NUDCD1: variants seen among roughly 807,000 people sequenced by gnomAD.
NUDCD1 encodes nudC domain-containing protein 1.
NUDCD1 carries 60 observed loss-of-function variants against 67.8 expected under a neutral mutation model. The observed-to-expected ratio is 0.88, with a 90% confidence interval of 0.72 to 1.10. NUDCD1 has a LOEUF of 1.10. Ranked by LOEUF, NUDCD1 falls within the 50% of genes least tolerant of loss-of-function variation. The pLI, the probability that NUDCD1 is intolerant of heterozygous loss-of-function variation, is 0.00. For synonymous variants in NUDCD1, 244 were observed against 230.8 expected, an observed-to-expected ratio of 1.06 and a Z score of -0.52; for missense variants, 643 against 695.0, an observed-to-expected ratio of 0.93 and a Z score of 0.84.
intron 2 of NUDCD1, among the ~76,000 whole-genome samples, chr8:109,307,080 T>C (rs1014310355): frequency 1.3e-5 from 2 of 152,178 alleles, no homozygotes; most frequent in South Asian, 4.1e-4. Context: ...CCCTGTGACC[T>C]GCATGTATAC....
chr8:109,299,575 T>C (rs1428290833), intron 2 of NUDCD1, among the ~76,000 whole-genome samples: 3 of 151,926 alleles, frequency 2.0e-5, no homozygotes, highest in Non-Finnish European at 4.4e-5. Flanking sequence ...CTCACCCCCA[T>C]CCCCCACAGC....
chr8:109,303,010 C>T (rs1279846262), intron 2 of NUDCD1, among the ~76,000 whole-genome samples: 2 of 152,226 alleles, frequency 1.3e-5, no homozygotes, highest in African/African-American at 2.4e-5. Flanking sequence ...TTCCAGCACA[C>T]CAAAACTTCA....
In NUDCD1 at chr8:109,322,365, C is replaced by G; in HGVS notation, c.217G>C (p.Asp73His). 6.3e-7 allele frequency: 1 copy of G among 1,585,284 alleles called. No homozygotes were observed. Among genetic ancestry groups the G allele is most frequent in the South Asian group, 1.1e-5 (1 of 90,064 alleles). ...AGGGTATCAATATAGTAGACACTGT[C>G]TTGATACCATGAATCACAGTGCAGG... is the stretch of plus-strand genomic sequence containing the variant. ...NYLHCDSWYQ[D>H]SVYYIDTLGR... Residue 73 changes from aspartate (D) to histidine (H), a missense_variant, in exon 2 of 10, where the codon GAC (aspartate) becomes CAC (histidine). Transcript: ENST00000239690.
Position 109,296,574 on chromosome 8 carries a change from A to G in NUDCD1, c.274-5T>C. 1 of 1,584,648 alleles carries G rather than the reference A, an allele frequency of 6.3e-7. No homozygotes were observed. The highest frequency in any genetic ancestry group is 8.6e-7 in the Non-Finnish European group (1 of 1,158,730). On this transcript the variant is annotated splice_region_variant and splice_polypyrimidine_tract_variant and intron_variant, in intron 2 of 9. Coordinates refer to ENST00000239690, the MANE Select transcript of NUDCD1 (RefSeq NM_032869.4). ...TGGTTTTCCTAAGGCAGTGTCCTAAAAAGACCAAACATTATACATTAATCT... is the reference window on the plus strand; with the variant it reads ...TGGTTTTCCTAAGGCAGTGTCCTAAGAAGACCAAACATTATACATTAATCT...
intron 2 of NUDCD1, among the ~76,000 whole-genome samples, chr8:109,308,869 G>C (rs919040945): frequency 1.3e-5 from 2 of 151,464 alleles, no homozygotes; most frequent in Non-Finnish European, 2.9e-5. Context: ...CTACTCGGGA[G>C]ACTGAGGCAG....
rs772931460 is a variant in NUDCD1, at chr8:109,293,342, A to G, written c.640+2T>C. 6.6e-7 allele frequency: 1 copy of G among 1,521,482 alleles called. No homozygotes were observed. Among genetic ancestry groups the G allele is most frequent in the Non-Finnish European group, 8.9e-7 (1 of 1,128,646 alleles). 94.2% of individuals were successfully genotyped at this position (1,521,482 alleles called of 1,614,324 possible). On this transcript the variant is annotated splice_donor_variant, in intron 4 of 9. Transcript: ENST00000239690. LOFTEE classifies it high-confidence loss of function. The stretch of plus-strand genomic sequence containing the variant: ...AGAGACAGATTCAGACTTTTGTTTT[A>G]CCTTGATTTTTCTTACTGATAGTGA...
At chr8:109,292,501 T>C (rs183793554) in intron 4 of NUDCD1, among the ~76,000 whole-genome samples, 26 of 152,254 alleles carry the variant, frequency 1.7e-4, no homozygotes, top group Middle Eastern at 3.4e-3. Context: ...CTTTACTGAA[T>C]TGCAAACTAG....
intron 2 of NUDCD1, among the ~76,000 whole-genome samples, chr8:109,313,027 C>G (rs1815293260): frequency 6.6e-6 from 1 of 152,202 alleles, no homozygotes; most frequent in Non-Finnish European, 1.5e-5. Context: ...ATTACATAAA[C>G]AACCAATTTC....
intron 2 of NUDCD1, among the ~76,000 whole-genome samples, chr8:109,312,847 G>C (rs1815289693): frequency 6.6e-6 from 1 of 152,028 alleles, no homozygotes; most frequent in African/African-American, 2.4e-5. Context: ...TGATGGAGCA[G>C]GACAAAAAAG....
intron 3 of NUDCD1, among the ~76,000 whole-genome samples, chr8:109,294,971 C>G (rs1292622061): frequency 6.6e-6 from 1 of 152,080 alleles, no homozygotes; most frequent in Non-Finnish European, 1.5e-5. Context: ...ATCCCCAAGT[C>G]TCCTCCCTCT....
intron 5 of NUDCD1, among the ~76,000 whole-genome samples, chr8:109,287,498 T>C (rs1003613109): frequency 2.0e-5 from 3 of 152,142 alleles, no homozygotes; most frequent in Non-Finnish European, 2.9e-5. Context: ...GCAACATGAA[T>C]GTAGCAAGTG....
chr8:109,278,760 T>G (rs1285629938), intron 6 of NUDCD1, among the ~76,000 whole-genome samples: 1 of 152,264 alleles, frequency 6.6e-6, no homozygotes, highest in Non-Finnish European at 1.5e-5. Flanking sequence ...TTCCATTGTA[T>G]GAATATACCA....
chr8:109,273,669 C>A (rs996143088), intron 7 of NUDCD1, among the ~76,000 whole-genome samples: 1 of 151,984 alleles, frequency 6.6e-6, no homozygotes. Flanking sequence ...AACTAAGGCA[C>A]CATAGTTAAG....
At chr8:109,275,605 G>A in intron 6 of NUDCD1, 109 bp from the exon 7 acceptor site, 1 of 1,027,180 alleles carries the variant, frequency 9.7e-7, no homozygotes, top group Non-Finnish European at 1.4e-6. Flanking sequence ...ACCCTCCGGT[G>A]TCCAGAGGAT....
chr8:109,243,376 A>G, intron 9 of NUDCD1, 75 bp from the exon 10 acceptor site: 1 of 1,168,732 alleles, frequency 8.6e-7, no homozygotes, highest in Non-Finnish European at 1.2e-6. Context: ...TTTAACATTT[A>G]ATATTTTGCA....
In NUDCD1 at chr8:109,296,640, C is replaced by T. The variant is rs1351107409; in HGVS notation, c.274-71G>A. 23 of 1,041,408 alleles carry T rather than the reference C, an allele frequency of 2.2e-5. 2 individuals are homozygous for T. Among genetic ancestry groups the T allele is most frequent in the South Asian group, 2.0e-4 (12 of 59,956 alleles). The allele number at this position is 1,041,408 out of a possible 1,614,324, so 64.5% of individuals were successfully genotyped here. A position where few individuals can be genotyped will look rare whatever the true frequency, so the allele number is the denominator to read the frequency against. ...TCCACACACACAAAATAAATATCTG[C>T]GGTGTGGTGGTTTCTCTCCTTTTTA... On this transcript the variant is annotated intron_variant, in intron 2 of 9. Coordinates refer to ENST00000239690, the MANE Select transcript of NUDCD1 (RefSeq NM_032869.4).
At chr8:109,265,864 T>A in intron 8 of NUDCD1, among the ~76,000 whole-genome samples, 1 of 152,140 alleles carries the variant, frequency 6.6e-6, no homozygotes, top group East Asian at 1.9e-4. Flanking sequence ...ACTGCTCACC[T>A]CCTGCTGTGC....
At chr8:109,308,446 A>C (rs562867849) in intron 2 of NUDCD1, among the ~76,000 whole-genome samples, 25 of 152,288 alleles carry the variant, frequency 1.6e-4, no homozygotes, top group African/African-American at 6.0e-4. Flanking sequence ...AACCAAACCC[A>C]AAACCAGCAG....
intron 8 of NUDCD1, among the ~76,000 whole-genome samples, chr8:109,250,487 T>C (rs549139874): frequency 4.7e-4 from 72 of 152,310 alleles, no homozygotes; most frequent in African/African-American, 1.7e-3. Context: ...CACTATTATT[T>C]CCTGCCTCAC....
Sources: gnomAD v4.1 joint callset for allele counts (sites outside exome capture counted in the v4.1 genomes callset) on GRCh38, gnomAD v4.1.1 for gene constraint, MANE v1.5 for transcripts, NCBI Gene and HGNC (gene_info 2026-07-23, HGNC 2026-07-21) for gene names.